The following NT5DC1 variants were observed in gnomAD, a reference collection of about 807,000 sequenced individuals.
NT5DC1 encodes the protein 5'-nucleotidase domain-containing protein 1.
A neutral mutation model predicts 59.4 loss-of-function variants in NT5DC1; 42 were observed. That is an observed-to-expected ratio of 0.71 (90% CI 0.55 to 0.92). The LOEUF (loss-of-function observed/expected upper bound fraction) is 0.92. Ranked by LOEUF, NT5DC1 falls within the 40% of genes least tolerant of loss-of-function variation. The pLI, the probability that NT5DC1 is intolerant of heterozygous loss-of-function variation, is 0.00. For missense variants in NT5DC1, 501 were observed against 537.1 expected, an observed-to-expected ratio of 0.93 and a Z score of 0.66; for synonymous variants, 172 against 188.1, an observed-to-expected ratio of 0.91 and a Z score of 0.70.
At chr6:116,173,145 G>A (rs1255408095) in intron 6 of NT5DC1, among the ~76,000 whole-genome samples, 3 of 152,140 alleles carry the variant, frequency 2.0e-5, no homozygotes, top group Non-Finnish European at 2.9e-5. Context: ...TACTAAAAAT[G>A]ATAGCTAAAA....
At chr6:116,147,886 G>A (rs1471252285) in intron 6 of NT5DC1, among the ~76,000 whole-genome samples, 4 of 151,864 alleles carry the variant, frequency 2.6e-5, no homozygotes, top group African/African-American at 9.7e-5. Context: ...AAAGGTGGAG[G>A]CAGGCATGGG....
At chr6:116,203,556 AT>A (rs1781388454) in intron 6 of NT5DC1, among the ~76,000 whole-genome samples, 1 of 151,816 alleles carries the variant, frequency 6.6e-6, no homozygotes, top group Non-Finnish European at 1.5e-5. Flanking sequence ...TAATTCATTA[AT>A]TTTCATTGCT....
chr6:116,106,197 A>T lies in NT5DC1; in HGVS notation c.94-47A>T, dbSNP rs1485216293. The T allele has an allele frequency of 3.3e-6, 3 of 909,714 alleles. No individual in the cohort carries two copies. The South Asian group carries it at 3.9e-5, about 12-fold the overall frequency. The allele number at this position is 909,714 out of a possible 1,614,324, so 56.4% of individuals were successfully genotyped here. A position where few individuals can be genotyped will look rare whatever the true frequency, so the allele number is the denominator to read the frequency against. On this transcript the variant is annotated intron_variant, in intron 1 of 11. Transcript: ENST00000319550. The stretch of plus-strand genomic sequence containing the variant: ...TTTTAGGTCTGTGACATTAAGAATG[A>T]ATAGTGGGTGTTATATTTAATCTGT...
intron 4 of NT5DC1, among the ~76,000 whole-genome samples, chr6:116,115,273 G>A (rs941702320): frequency 2.0e-5 from 3 of 151,990 alleles, no homozygotes; most frequent in Non-Finnish European, 2.9e-5. Flanking sequence ...CTCTAGGAGG[G>A]GTCAGCCAAC....
At chr6:116,110,762 T>C in intron 3 of NT5DC1, 88 bp from the exon 4 acceptor site, 1 of 962,534 alleles carries the variant, frequency 1.0e-6, no homozygotes, top group South Asian at 1.3e-5. Flanking sequence ...TTAGCTCCAG[T>C]GGCAACAGGG....
At chr6:116,157,024 C>T (rs6910311) in intron 6 of NT5DC1, among the ~76,000 whole-genome samples, 78,211 of 151,910 alleles carry the variant, frequency 0.51, 21,234 homozygotes, top group African/African-American at 0.69. Context: ...TGCCTAAGTG[C>T]GTTCACTTCA....
chr6:116,177,500 A>C (rs1780761302), intron 6 of NT5DC1, among the ~76,000 whole-genome samples: 1 of 152,152 alleles, frequency 6.6e-6, no homozygotes, highest in Non-Finnish European at 1.5e-5. Flanking sequence ...TAAATTTTCT[A>C]CTTAAATGTA....
chr6:116,135,868 T>TACAC (rs1368513713), intron 6 of NT5DC1, among the ~76,000 whole-genome samples: 17 of 115,240 alleles, frequency 1.5e-4, no homozygotes, highest in African/African-American at 6.4e-4. Context: ...TATATATATA[T>TACAC]ATATACACAC....
chr6:116,126,472 G>A (rs1779315497), intron 6 of NT5DC1, among the ~76,000 whole-genome samples: 1 of 152,024 alleles, frequency 6.6e-6, no homozygotes, highest in African/African-American at 2.4e-5. Flanking sequence ...TTAATTGGTT[G>A]ATATTATATA....
At position 116,182,673 on chromosome 6, in the gene NT5DC1, T is replaced by C. The variant is rs146232356; in HGVS notation, c.530-38381T>C. Among the ~76,000 whole-genome samples, 64 of 152,202 alleles carry C rather than the reference T, an allele frequency of 4.2e-4. 1 individual carries two copies. In the East Asian group the frequency reaches 0.011, roughly 26 times the overall value. Reference sequence around the variant, plus strand: ...ATTTTGTTACATGTTTGTTGTCCATTTGTATATCTTCTTTTTAGAATTGTC... The same window carrying C: ...ATTTTGTTACATGTTTGTTGTCCATCTGTATATCTTCTTTTTAGAATTGTC... On this transcript the variant is annotated intron_variant, in intron 6 of 11. Coordinates refer to ENST00000319550, the MANE Select transcript of NT5DC1 (RefSeq NM_152729.3).
intron 10 of NT5DC1, 104 bp from the exon 11 acceptor site, chr6:116,238,850 GA>G (rs2114562684): frequency 1.5e-6 from 1 of 687,786 alleles, no homozygotes; most frequent in African/African-American, 1.8e-5. Context: ...CCTATTTGTA[GA>G]TTCCTACAGG....
At chr6:116,188,022 G>A (rs1017631859) in intron 6 of NT5DC1, among the ~76,000 whole-genome samples, 1 of 151,944 alleles carries the variant, frequency 6.6e-6, no homozygotes, top group Non-Finnish European at 1.5e-5. Context: ...CAACCCAGTA[G>A]AAAATGAACA....
At chr6:116,116,686 G>T (rs932205791) in intron 5 of NT5DC1, among the ~76,000 whole-genome samples, 1 of 151,968 alleles carries the variant, frequency 6.6e-6, no homozygotes, top group African/African-American at 2.4e-5. Flanking sequence ...TAGAACCCAG[G>T]TAATGCTTTA....
At chr6:116,225,417 C>T (rs1315461578) in intron 8 of NT5DC1, among the ~76,000 whole-genome samples, 1 of 152,100 alleles carries the variant, frequency 6.6e-6, no homozygotes, top group African/African-American at 2.4e-5. Context: ...CTGACATTCT[C>T]TAATATTAAA....
chr6:116,184,900 T>G (rs1327817720), intron 6 of NT5DC1, among the ~76,000 whole-genome samples: 1 of 152,060 alleles, frequency 6.6e-6, no homozygotes, highest in African/African-American at 2.4e-5. Flanking sequence ...TCTTGATTAT[T>G]TCTTTTCTTC....
intron 6 of NT5DC1, among the ~76,000 whole-genome samples, chr6:116,209,810 A>G (rs1316531784): frequency 6.6e-6 from 1 of 152,036 alleles, no homozygotes; most frequent in African/African-American, 2.4e-5. Flanking sequence ...TGAATTTTAT[A>G]ATTATTATCC....
chr6:116,141,885 A>AACACACACACACACACACACAC lies in NT5DC1; in HGVS notation c.529+23961_529+23982dup, dbSNP rs3051942. On this transcript the variant is annotated intron_variant, in intron 6 of 11. Transcript: ENST00000319550. ...GTAAAAGATTTTCTGCCAAAAAGAA[A>AACACACACACACACACACACAC]ACACACACACACACACACACACACA... Among the ~76,000 whole-genome samples the AACACACACACACACACACACAC allele has an allele frequency of 1.4e-3, 192 of 140,386 alleles. 1 individual carries two copies. Among genetic ancestry groups the AACACACACACACACACACACAC allele is most frequent in the African/African-American group, 4.9e-3 (184 of 37,454 alleles). The allele number at this position is 140,386 out of a possible 152,430, so 92.1% of individuals were successfully genotyped here.
Position 116,142,293 on chromosome 6 carries a change from T to C in NT5DC1, c.529+24348T>C, listed in dbSNP as rs1779786978. Among the ~76,000 whole-genome samples, 3 of 152,188 alleles carry C rather than the reference T, an allele frequency of 2.0e-5. No homozygotes were observed. In the South Asian group the frequency reaches 6.2e-4, roughly 32 times the overall value. ...TTAAATTCTATTTTTGCTTTTTTTT[T>C]CAATTTATTTGGCATATACTTAGGA... On this transcript the variant is annotated intron_variant, in intron 6 of 11. Transcript: ENST00000319550.
intron 6 of NT5DC1, among the ~76,000 whole-genome samples, chr6:116,174,122 A>G (rs1300517126): frequency 1.3e-5 from 2 of 152,210 alleles, no homozygotes; most frequent in South Asian, 2.1e-4. Context: ...TATGAGGGGT[A>G]CATGCTGTCA....
Sources: gnomAD v4.1 joint callset for allele counts (sites outside exome capture counted in the v4.1 genomes callset) on GRCh38, gnomAD v4.1.1 for gene constraint, MANE v1.5 for transcripts, NCBI Gene and HGNC (gene_info 2026-07-23, HGNC 2026-07-21) for gene names.